The following NLGN4Y variants were observed in gnomAD, a reference collection of about 807,000 sequenced individuals.
The protein encoded by NLGN4Y is neuroligin-4, Y-linked.
A neutral mutation model predicts 8.4 loss-of-function variants in NLGN4Y; 4 were observed. The ratio of observed to expected loss-of-function variants is 0.48; its 90% CI spans 0.23 to 1.09. The LOEUF is 1.09. Among genes scored for constraint, NLGN4Y ranks in the 50% least tolerant of loss-of-function variants. The pLI is 0.19. For missense variants in NLGN4Y, 90 were observed against 192.3 expected (o/e 0.47, Z 3.15); for synonymous variants, 35 against 75.6 (o/e 0.46, Z 2.78).
intron 1 of NLGN4Y, among the ~76,000 whole-genome samples, 183 bp from the exon 2 acceptor site, chrY:14,621,826 A>G (rs2080509379): frequency 3.0e-5 from 1 of 33,244 alleles, no homozygotes; most frequent in African/African-American, 1.2e-4. Flanking sequence ...AAAAATAATA[A>G]TAATAAAGAC....
intron 4 of NLGN4Y, among the ~76,000 whole-genome samples, chrY:14,821,998 T>A: frequency 2.9e-5 from 1 of 33,900 alleles, no homozygotes; most frequent in Non-Finnish European, 7.3e-5. Flanking sequence ...CATAATTTTC[T>A]CACAGTTACA....
At chrY:14,759,332 G>A in intron 4 of NLGN4Y, among the ~76,000 whole-genome samples, 1 of 32,125 alleles carries the variant, frequency 3.1e-5, no homozygotes, top group Non-Finnish European at 7.6e-5. Context: ...ACAGAGTCTA[G>A]CTCTGTCGCC....
intron 4 of NLGN4Y, among the ~76,000 whole-genome samples, chrY:14,762,292 CTCTA>C (rs2081082395): frequency 5.8e-5 from 2 of 34,373 alleles, no homozygotes; most frequent in Non-Finnish European, 1.5e-4. Context: ...TCTTCTAAAC[CTCTA>C]TCTCTTTAGT....
chrY:14,672,975 A>G (rs2150528872), intron 2 of NLGN4Y, among the ~76,000 whole-genome samples: 1 of 26,864 alleles, frequency 3.7e-5, no homozygotes, highest in South Asian at 9.4e-4. Flanking sequence ...GGCTAGCCAT[A>G]TGTAGAAAGC....
At chrY:14,735,486 A>T in intron 4 of NLGN4Y, among the ~76,000 whole-genome samples, 3 of 33,258 alleles carry the variant, frequency 9.0e-5, no homozygotes, top group Non-Finnish European at 1.5e-4. Flanking sequence ...TTCCCTGAGG[A>T]CTCCCCAGCC....
At chrY:14,750,142 G>A (rs2150565803) in intron 4 of NLGN4Y, among the ~76,000 whole-genome samples, 1 of 32,282 alleles carries the variant, frequency 3.1e-5, no homozygotes, top group South Asian at 7.2e-4. Flanking sequence ...TTGAGGAGTC[G>A]CTGAAGGGGC....
intron 1 of NLGN4Y, among the ~76,000 whole-genome samples, chrY:14,601,610 G>A: frequency 1.2e-4 from 4 of 32,529 alleles, no homozygotes; most frequent in African/African-American, 4.8e-4. Flanking sequence ...GCGTCAGAGC[G>A]TCTTGGTGGT....
intron 2 of NLGN4Y, among the ~76,000 whole-genome samples, chrY:14,693,568 G>A (rs2080818217): frequency 1.3e-4 from 4 of 31,972 alleles, no homozygotes; most frequent in Admixed American, 8.7e-4. Context: ...GATGACAGGC[G>A]TGCACCACTA....
intron 4 of NLGN4Y, among the ~76,000 whole-genome samples, chrY:14,760,286 T>C (rs1045100850): frequency 8.6e-4 from 29 of 33,668 alleles, no homozygotes; most frequent in African/African-American, 3.1e-3. Flanking sequence ...TTATTTTGAA[T>C]ATTTTACTAT....
intron 4 of NLGN4Y, among the ~76,000 whole-genome samples, chrY:14,822,548 G>GTCC (rs2043126771): frequency 2.9e-5 from 1 of 34,041 alleles, no homozygotes; most frequent in Non-Finnish European, 7.3e-5. Flanking sequence ...AAGATGTGCT[G>GTCC]AAGACAGAAT....
intron 4 of NLGN4Y, among the ~76,000 whole-genome samples, chrY:14,782,895 C>T: frequency 3.0e-5 from 1 of 33,489 alleles, no homozygotes; most frequent in South Asian, 6.7e-4. Flanking sequence ...GCTTAAAGAA[C>T]AAGGAAAGAA....
At chrY:14,712,038 A>C (rs2080900755) in intron 2 of NLGN4Y, among the ~76,000 whole-genome samples, 1 of 26,850 alleles carries the variant, frequency 3.7e-5, no homozygotes, top group Non-Finnish European at 8.6e-5. Context: ...CACTCACTGC[A>C]CTCTAGCCTG....
intron 1 of NLGN4Y, among the ~76,000 whole-genome samples, chrY:14,563,595 G>A (rs2080241850): frequency 3.0e-5 from 1 of 33,306 alleles, no homozygotes; most frequent in East Asian, 8.0e-4. Flanking sequence ...TCTGCTGTTT[G>A]GAATAGTTTC....
At chrY:14,580,082 C>A (rs2080310838) in intron 1 of NLGN4Y, among the ~76,000 whole-genome samples, 1 of 27,336 alleles carries the variant, frequency 3.7e-5, no homozygotes, top group Admixed American at 3.5e-4. Context: ...GTCCCTGCTA[C>A]TCAGGAGGCT....
intron 4 of NLGN4Y, among the ~76,000 whole-genome samples, chrY:14,769,949 C>T (rs2081102690): frequency 3.0e-5 from 1 of 33,300 alleles, no homozygotes; most frequent in Non-Finnish European, 7.4e-5. Context: ...TAGAACTCAT[C>T]GGAGTCCACC....
intron 2 of NLGN4Y, among the ~76,000 whole-genome samples, chrY:14,653,553 T>A: frequency 3.1e-5 from 1 of 32,051 alleles, no homozygotes; most frequent in African/African-American, 1.2e-4. Context: ...CTAAACTTTT[T>A]TTATTATTAT....
chrY:14,614,985 G>A, intron 1 of NLGN4Y, among the ~76,000 whole-genome samples: 3 of 32,742 alleles, frequency 9.2e-5, no homozygotes, highest in South Asian at 6.8e-4. Context: ...AAAGTCATTG[G>A]CAGCTTGATG....
chrY:14,801,626 T>A, intron 4 of NLGN4Y, among the ~76,000 whole-genome samples: 1 of 31,125 alleles, frequency 3.2e-5, no homozygotes, highest in East Asian at 8.3e-4. Flanking sequence ...AGTTTTTCTC[T>A]TTTTCTTCTG....
chrY:14,557,758 A>C (rs778933317), intron 1 of NLGN4Y, among the ~76,000 whole-genome samples: 2 of 32,360 alleles, frequency 6.2e-5, no homozygotes. Flanking sequence ...TCAGCCTGTC[A>C]AAATGCCATA....
Sources: gnomAD v4.1 joint callset for allele counts (sites outside exome capture counted in the v4.1 genomes callset) on GRCh38, gnomAD v4.1.1 for gene constraint, MANE v1.5 for transcripts, NCBI Gene and HGNC (gene_info 2026-07-23, HGNC 2026-07-21) for gene names.